The following CCDC68 variants were observed in gnomAD, a reference collection of about 807,000 sequenced individuals.
The protein encoded by CCDC68 is coiled-coil domain-containing protein 68.
A neutral mutation model predicts 47.1 loss-of-function variants in CCDC68; 45 were observed. The observed-to-expected ratio is 0.96, with a 90% CI of 0.75 to 1.23. The LOEUF is 1.23. CCDC68 is among the 50% of genes most tolerant of loss of function. The pLI, the probability that CCDC68 is intolerant of heterozygous loss-of-function variation, is 0.00. For synonymous variants in CCDC68, 131 were observed against 129.5 expected (o/e 1.01, Z -0.08); for missense variants, 353 against 373.6 (o/e 0.94, Z 0.45).
chr18:54,919,283 A>T lies in CCDC68; in HGVS notation c.777T>A (p.Ser259Arg), dbSNP rs1490347672. ...VIHSQHQNLR[S>R]VIQEMEGLKN... is the part of the protein sequence containing the mutation. ...TGATTAATCTGACCTCCTGGATGAC[A>T]CTGCGCAGGTTCTGATGTTGGGAGT... Residue 259 changes from serine to arginine, a missense_variant, in exon 9 of 12, where the codon AGT becomes AGA. By Grantham distance (110) the Ser-to-Arg change is moderately radical. Coordinates refer to ENST00000591504, the MANE Select transcript of CCDC68 (RefSeq NM_025214.3). The T allele has an allele frequency of 1.9e-6, 3 of 1,613,138 alleles. No homozygotes were observed. Among genetic ancestry groups the T allele is most frequent in the Non-Finnish European group, 2.5e-6 (3 of 1,179,098 alleles).
rs374774130 is a variant in CCDC68 at position 54,943,483 on chromosome 18, A to C, written c.-12-680T>G. Among the ~76,000 whole-genome samples, 12 of 152,324 alleles carry C rather than the reference A, an allele frequency of 7.9e-5. No homozygotes were observed. The East Asian group carries it at 2.1e-3, about 27-fold the overall frequency. ...CACATATATATATTATCTAACTATG[A>C]AATAAAATTGACAGAAAAAGTAATC... On this transcript the variant is annotated intron_variant, in intron 2 of 11. Transcript: ENST00000591504.
intron 8 of CCDC68, among the ~76,000 whole-genome samples, chr18:54,923,400 A>G (rs1041885305): frequency 6.6e-6 from 1 of 152,014 alleles, no homozygotes; most frequent in Non-Finnish European, 1.5e-5. Context: ...AAAATTTCCC[A>G]TGTACTCCTT....
Position 54,934,816 on chromosome 18 carries a change from G to A in CCDC68, c.600+4C>T, listed in dbSNP as rs371162704. On this transcript the variant is annotated splice_donor_region_variant and intron_variant, in intron 7 of 11. Transcript: ENST00000591504. ...GAAAATCCTCTAATTCTCCAGGGGC[G>A]TACCTTTTCCATTCTCTGTACAAGG... is the stretch of plus-strand genomic sequence containing the variant. 2.7e-5 allele frequency: 41 copies of A among 1,509,014 alleles called. No homozygotes were observed. The highest frequency in any genetic ancestry group is 1.8e-4 in the South Asian group (13 of 70,276). 93.5% of individuals were successfully genotyped at this position (1,509,014 alleles called of 1,614,324 possible). A position where few individuals can be genotyped will look rare whatever the true frequency, so the allele number is the denominator to read the frequency against.
chr18:54,938,891 G>T (rs2044392939), intron 4 of CCDC68, among the ~76,000 whole-genome samples: 1 of 152,202 alleles, frequency 6.6e-6, no homozygotes, highest in South Asian at 2.1e-4. Context: ...TTAAACACCT[G>T]TTATATGCCA....
rs1318927965 is a variant in CCDC68, at chr18:54,902,414, G to A, written c.*1944C>T. ...AAAGGAATCTGGTCTCCTAGTAAAAGATGGATTCTCTTACTACACTGCAAA... is the reference window on the plus strand; with the variant it reads ...AAAGGAATCTGGTCTCCTAGTAAAAAATGGATTCTCTTACTACACTGCAAA... On this transcript the variant is annotated 3_prime_UTR_variant, in exon 12 of 12. Coordinates refer to ENST00000591504, the MANE Select transcript of CCDC68 (RefSeq NM_025214.3). The A allele has an allele frequency of 6.6e-6, 1 of 152,186 alleles. No homozygotes were observed. Among genetic ancestry groups the A allele is most frequent in the African/African-American group, 2.4e-5 (1 of 41,440 alleles). The allele number at this position is 152,186 out of a possible 1,614,324, so 9.4% of individuals were successfully genotyped here. A position where few individuals can be genotyped will look rare whatever the true frequency, so the allele number is the denominator to read the frequency against.
In CCDC68 at chr18:54,942,724, T is replaced by C. The variant is rs773020129; in HGVS notation, c.68A>G (p.Tyr23Cys). ...AATAATGTGAGCGGACGTAGACTCA[T>C]ACAAGGCAGAATTATCTTCCATCTT... ...RDKMEDNSAL[Y>C]ESTSAHIIEE... The change falls in exon 3 of 12, where the codon TAT (tyrosine) becomes TGT (cysteine). Residue 23 changes from tyrosine (Y) to cysteine (C), a missense_variant. Coordinates refer to ENST00000591504, the MANE Select transcript of CCDC68 (RefSeq NM_025214.3). 1.7e-5 allele frequency: 27 copies of C among 1,612,608 alleles called. No homozygotes were observed. Among genetic ancestry groups the C allele is most frequent in the Non-Finnish European group, 2.3e-5 (27 of 1,179,170 alleles).
At chr18:54,919,629 C>T (rs1462970291) in intron 8 of CCDC68, among the ~76,000 whole-genome samples, 1 of 152,188 alleles carries the variant, frequency 6.6e-6, no homozygotes, top group African/African-American at 2.4e-5. Flanking sequence ...TCTGTGACTC[C>T]TCTAGCAGGT....
chr18:54,914,672 G>A lies in CCDC68; in HGVS notation c.873+3241C>T, dbSNP rs377222613. The stretch of plus-strand genomic sequence containing the variant: ...AAAACACTGGCTTGGGTTGAGCTAC[G>A]TACAGAGACTCTAAGACAACACTGA... On this transcript the variant is annotated intron_variant, in intron 10 of 11. Coordinates refer to ENST00000591504, the MANE Select transcript of CCDC68 (RefSeq NM_025214.3). 1.4e-3 allele frequency among the ~76,000 whole-genome samples: 209 copies of A among 152,198 alleles called. No individual in the cohort carries two copies. In the South Asian group the frequency reaches 0.015, roughly 11 times the overall value.
intron 8 of CCDC68, among the ~76,000 whole-genome samples, chr18:54,920,214 C>A (rs2044032326): frequency 6.7e-6 from 1 of 150,258 alleles, no homozygotes; most frequent in Admixed American, 6.7e-5. Flanking sequence ...AATGTCATCC[C>A]AATTCTGTTT....
intron 1 of CCDC68, among the ~76,000 whole-genome samples, chr18:54,948,833 G>A (rs995291603): frequency 5.3e-5 from 8 of 152,216 alleles, no homozygotes; most frequent in African/African-American, 1.7e-4. Flanking sequence ...TGTTCTAGAT[G>A]AGCAGTGAGG....
In CCDC68 at chr18:54,903,088, A is replaced by G. The variant is rs1913774623; in HGVS notation, c.*1270T>C. ...ACAGTTACACAACAATTCAAGGATT[A>G]CAGTACTTGGATAAATTTATAAATA... On this transcript the variant is annotated 3_prime_UTR_variant, in exon 12 of 12. Coordinates refer to ENST00000591504, the MANE Select transcript of CCDC68 (RefSeq NM_025214.3). The G allele has an allele frequency of 4.6e-5, 7 of 152,352 alleles. No homozygotes were observed. In the South Asian group the frequency reaches 1.2e-3, roughly 27 times the overall value. 9.4% of individuals were successfully genotyped at this position (152,352 alleles called of 1,614,324 possible).
At chr18:54,911,188 C>T (rs1445949031) in intron 10 of CCDC68, among the ~76,000 whole-genome samples, 2 of 151,666 alleles carry the variant, frequency 1.3e-5, no homozygotes, top group African/African-American at 2.4e-5. Flanking sequence ...GCTAGGATTA[C>T]AAGCACGTGC....
chr18:54,922,861 G>C (rs554721134), intron 8 of CCDC68, among the ~76,000 whole-genome samples: 149 of 151,900 alleles, frequency 9.8e-4, no homozygotes, highest in Non-Finnish European at 1.9e-3. Context: ...GGTGGCATGC[G>C]CCTGTAATCC....
chr18:54,937,025 G>T, intron 5 of CCDC68, 67 bp from the exon 6 acceptor site: 2 of 1,517,610 alleles, frequency 1.3e-6, no homozygotes, highest in South Asian at 1.1e-5. Context: ...AGAACAGTTT[G>T]ATGGGCAATT....
At position 54,915,561 on chromosome 18, in the gene CCDC68, T is replaced by C. The variant is rs373545382; in HGVS notation, c.873+2352A>G. On this transcript the variant is annotated intron_variant, in intron 10 of 11. Coordinates refer to ENST00000591504, the MANE Select transcript of CCDC68 (RefSeq NM_025214.3). ...TATCCAGGGATGGTACTTTTATCAG[T>C]GATTTTCTTGTTCTATTTGCTTATC... Among the ~76,000 whole-genome samples, 209 of 152,350 alleles carry C rather than the reference T, an allele frequency of 1.4e-3. No homozygotes were observed. In the South Asian group the frequency reaches 0.015, roughly 11 times the overall value.
chr18:54,908,976 C>T (rs2212998), intron 10 of CCDC68, among the ~76,000 whole-genome samples: 1 of 152,164 alleles, frequency 6.6e-6, no homozygotes, highest in African/African-American at 2.4e-5. Context: ...TCCCGAAGTG[C>T]TGGGATTGTA....
intron 1 of CCDC68, among the ~76,000 whole-genome samples, chr18:54,954,245 G>A (rs2044674565): frequency 6.6e-6 from 1 of 151,706 alleles, no homozygotes; most frequent in Admixed American, 6.6e-5. Flanking sequence ...TAGTAGAGAT[G>A]GGGTTTTACC....
At chr18:54,952,098 G>A (rs2044628888) in intron 1 of CCDC68, among the ~76,000 whole-genome samples, 1 of 152,214 alleles carries the variant, frequency 6.6e-6, no homozygotes, top group Admixed American at 6.5e-5. Flanking sequence ...ATTTGAAAGT[G>A]TCAATTCCCA....
intron 8 of CCDC68, among the ~76,000 whole-genome samples, chr18:54,921,153 A>G (rs1252614114): frequency 6.6e-6 from 1 of 152,184 alleles, no homozygotes; most frequent in Non-Finnish European, 1.5e-5. Context: ...CTGGGCAAAC[A>G]CAAACGTAAA....
Sources: allele counts gnomAD v4.1 joint callset (sites outside exome capture counted in the v4.1 genomes callset), GRCh38; gene constraint gnomAD v4.1.1; transcripts MANE v1.5; gene names NCBI Gene and HGNC (gene_info 2026-07-23, HGNC 2026-07-21).